Variants in KANSL1 observed in about 807,000 individuals in gnomAD.
KANSL1 encodes the protein KAT8 regulatory NSL complex subunit 1.
In KANSL1, 22 loss-of-function variants were observed where a neutral mutation model predicts 103.6. The observed-to-expected ratio is 0.21, with a 90% CI of 0.15 to 0.30. The LOEUF (loss-of-function observed/expected upper bound fraction) is 0.30. KANSL1 is among the 10% of genes least tolerant of loss of function. The pLI, the probability that KANSL1 is intolerant of heterozygous loss-of-function variation, is 1.00. For synonymous variants in KANSL1, 600 were observed against 527.6 expected, an observed-to-expected ratio of 1.14 and a Z score of -1.88; for missense variants, 1,337 against 1,399.8, an observed-to-expected ratio of 0.96 and a Z score of 0.72.
chr17:46,140,725 A>C (rs941201944), intron 2 of KANSL1, among the ~76,000 whole-genome samples: 1 of 152,234 alleles, frequency 6.6e-6, no homozygotes, highest in East Asian at 1.9e-4. Context: ...GAAATGAGCA[A>C]AGGATCTCCA....
intron 1 of KANSL1, among the ~76,000 whole-genome samples, chr17:46,174,141 A>T (rs1460769484): frequency 6.6e-6 from 1 of 152,248 alleles, no homozygotes; most frequent in African/African-American, 2.4e-5. Flanking sequence ...TTGTATCAAC[A>T]ATCATGAACT....
chr17:46,221,078 TATCAA>T (rs1358651719), intron 1 of KANSL1: 4 of 150,306 alleles, frequency 2.7e-5, no homozygotes, highest in Admixed American at 6.7e-5. Flanking sequence ...ACACAAAGGG[TATCAA>T]ATCATACATA....
intron 2 of KANSL1, among the ~76,000 whole-genome samples, chr17:46,169,237 C>T (rs1597865667): frequency 6.6e-6 from 1 of 152,162 alleles, no homozygotes; most frequent in South Asian, 2.1e-4. Flanking sequence ...GCTACTAATC[C>T]ATTTAAAGAA....
intron 1 of KANSL1, among the ~76,000 whole-genome samples, chr17:46,217,431 A>AC (rs2048375041): frequency 6.6e-6 from 1 of 151,602 alleles, no homozygotes; most frequent in South Asian, 2.1e-4. Context: ...AGCTGAGATC[A>AC]CCCCACTGTA....
At chr17:46,214,389 C>G (rs1018737003) in intron 1 of KANSL1, among the ~76,000 whole-genome samples, 3 of 152,184 alleles carry the variant, frequency 2.0e-5, no homozygotes, top group African/African-American at 7.2e-5. Flanking sequence ...TATGGTGGCT[C>G]ACGCCTGTAA....
rs114396222 is a variant in KANSL1, at chr17:46,106,324, T to C, written c.1290-11623A>G. On this transcript the variant is annotated intron_variant, in intron 2 of 14. Coordinates refer to ENST00000432791, the MANE Select transcript of KANSL1 (RefSeq NM_015443.4). ...CTAAGAATTGCCTGAGAGAGTTAAG[T>C]CTCACGTACCTTTATGAAGAAAAAG... Among the ~76,000 whole-genome samples the C allele has an allele frequency of 4.3e-3, 661 of 152,288 alleles. 4 individuals are homozygous for C. Among genetic ancestry groups the C allele is most frequent in the African/African-American group, 0.015 (632 of 41,544 alleles).
chr17:46,215,804 G>A (rs1197414823), intron 1 of KANSL1, among the ~76,000 whole-genome samples: 1 of 152,352 alleles, frequency 6.6e-6, no homozygotes, highest in South Asian at 2.1e-4. Context: ...ACTTTGGGAG[G>A]CTGAGGCAGG....
In KANSL1 at chr17:46,172,281, A is replaced by G; in HGVS notation, c.-89-49T>C. 3.3e-6 allele frequency: 3 copies of G among 898,782 alleles called. No homozygotes were observed. In the South Asian group the frequency reaches 5.2e-5, roughly 16 times the overall value. The allele number at this position is 898,782 out of a possible 1,614,324, so 55.7% of individuals were successfully genotyped here. A position where few individuals can be genotyped will look rare whatever the true frequency, so the allele number is the denominator to read the frequency against. ...TATTAGAAATACAAGCACTTTTAAA[A>G]ACATGTATATTTTTAACAAAAGCAC... On this transcript the variant is annotated intron_variant, in intron 1 of 14. Transcript: ENST00000432791.
upstream of KANSL1, among the ~76,000 whole-genome samples, chr17:46,198,851 A>T (rs1220467907): frequency 6.6e-6 from 1 of 152,254 alleles, no homozygotes; most frequent in Non-Finnish European, 1.5e-5. Context: ...GATTATTTAC[A>T]ATCATAAATC....
intron 3 of KANSL1, among the ~76,000 whole-genome samples, chr17:46,091,713 G>C (rs182835844): frequency 6.6e-6 from 1 of 151,348 alleles, no homozygotes; most frequent in African/African-American, 2.4e-5. Context: ...ATGATGTACT[G>C]GTTTATACCC....
chr17:46,031,728 G>A lies in KANSL1; in HGVS notation c.3091-25C>T, dbSNP rs752562186. 3.2e-6 allele frequency: 5 copies of A among 1,569,334 alleles called. No homozygotes were observed. In the South Asian group the frequency reaches 5.8e-5, roughly 18 times the overall value. On this transcript the variant is annotated intron_variant, in intron 14 of 14. Coordinates refer to ENST00000432791, the MANE Select transcript of KANSL1 (RefSeq NM_015443.4). ...ACTGTAGGCAGACAAGTTGCTCTTT[G>A]AGGACCCAGTCCCAGCCAGCCTGCT...
chr17:46,061,244 T>A (rs1020170483), intron 6 of KANSL1, among the ~76,000 whole-genome samples: 6 of 152,150 alleles, frequency 3.9e-5, no homozygotes, highest in South Asian at 2.1e-4. Flanking sequence ...TTTTCTTTTT[T>A]AAAAAAATAC....
intron 2 of KANSL1, among the ~76,000 whole-genome samples, chr17:46,145,019 A>C (rs2044624355): frequency 6.6e-6 from 1 of 152,354 alleles, no homozygotes; most frequent in Admixed American, 6.5e-5. Flanking sequence ...GAATGAAGTC[A>C]AGCTCCTTAT....
chr17:46,171,326 A>G lies in KANSL1; in HGVS notation c.818T>C (p.Ile273Thr). Reference protein sequence around the residue: ...LEGKKSPLSSILFSALDSDTR... With the variant: ...LEGKKSPLSSTLFSALDSDTR... ...GTCAGAATCTAAAGCACTGAAAAGAATGGAAGACAGGGGAGACTTTTTACC... is the reference window on the plus strand; with the variant it reads ...GTCAGAATCTAAAGCACTGAAAAGAGTGGAAGACAGGGGAGACTTTTTACC... The change falls in exon 2 of 15, where the codon ATT becomes ACT. Residue 273 changes from isoleucine (I) to threonine (T), a missense_variant. Coordinates refer to ENST00000432791, the MANE Select transcript of KANSL1 (RefSeq NM_015443.4). 6.2e-7 allele frequency: 1 copy of G among 1,614,196 alleles called. No individual in the cohort carries two copies. Among genetic ancestry groups the G allele is most frequent in the South Asian group, 1.1e-5 (1 of 91,092 alleles).
intron 2 of KANSL1, among the ~76,000 whole-genome samples, chr17:46,100,937 T>C (rs2042286865): frequency 6.6e-6 from 1 of 152,260 alleles, no homozygotes; most frequent in Non-Finnish European, 1.5e-5. Context: ...ACAAAGGTTC[T>C]ATTAGCCAAC....
intron 1 of KANSL1, among the ~76,000 whole-genome samples, chr17:46,220,163 T>C (rs1398921056): frequency 4.6e-5 from 7 of 152,200 alleles, no homozygotes; most frequent in African/African-American, 1.7e-4. Flanking sequence ...GCCATTTCTC[T>C]GACTTCCAGA....
At chr17:46,072,534 AC>A (rs146041206) in intron 4 of KANSL1, among the ~76,000 whole-genome samples, 457 of 152,112 alleles carry the variant, frequency 3.0e-3, no homozygotes, top group African/African-American at 0.011. Flanking sequence ...TCTCAAGCCC[AC>A]CCCACCCCCA....
intron 1 of KANSL1, among the ~76,000 whole-genome samples, chr17:46,201,950 T>C (rs887230178): frequency 2.6e-5 from 4 of 152,172 alleles, no homozygotes; most frequent in African/African-American, 4.8e-5. Flanking sequence ...GAGGCTACAG[T>C]GAGCAGAGAT....
At chr17:46,054,876 G>A (rs2077861349) in intron 6 of KANSL1, among the ~76,000 whole-genome samples, 2 of 143,504 alleles carry the variant, frequency 1.4e-5, no homozygotes, top group African/African-American at 5.2e-5. Flanking sequence ...TTTTTGAGAT[G>A]GAGTCTCGCT....
Sources: gnomAD v4.1 joint callset for allele counts (sites outside exome capture counted in the v4.1 genomes callset) on GRCh38, gnomAD v4.1.1 for gene constraint, MANE v1.5 for transcripts, NCBI Gene and HGNC (gene_info 2026-07-23, HGNC 2026-07-21) for gene names.